Variants in PPP2R3A observed in about 807,000 individuals in gnomAD.
PPP2R3A encodes protein phosphatase 2 regulatory subunit B''alpha.
A neutral mutation model predicts 106.9 loss-of-function variants in PPP2R3A; 80 were observed. The ratio of observed to expected loss-of-function variants is 0.75; its 90% CI spans 0.62 to 0.90. The LOEUF is 0.90. Among genes scored for constraint, PPP2R3A ranks in the 40% least tolerant of loss-of-function variants. PPP2R3A has a pLI of 0.00. For synonymous variants in PPP2R3A, 483 were observed against 468.3 expected (o/e 1.03, Z -0.41); for missense variants, 1,386 against 1,350.4 (o/e 1.03, Z -0.41).
chr3:136,128,806 A>T (rs1047328144), intron 13 of PPP2R3A, among the ~76,000 whole-genome samples: 4 of 152,202 alleles, frequency 2.6e-5, no homozygotes, highest in African/African-American at 9.6e-5. Context: ...AACAGAAATT[A>T]TAACAAACTG....
intron 13 of PPP2R3A, among the ~76,000 whole-genome samples, chr3:136,142,824 G>T (rs9881400): frequency 0.18 from 26,837 of 152,240 alleles, 3,135 homozygotes; most frequent in Non-Finnish European, 0.26. Context: ...GACCTACACT[G>T]AGGTATTTAA....
At chr3:136,045,956 G>GT (rs1935456693) in intron 4 of PPP2R3A, among the ~76,000 whole-genome samples, 1 of 152,184 alleles carries the variant, frequency 6.6e-6, no homozygotes, top group Admixed American at 6.5e-5. Context: ...GGCCGAGGCA[G>GT]TAAGATTGCA....
chr3:135,995,447 A>ATTTTTT (rs60359404), intron 1 of PPP2R3A, among the ~76,000 whole-genome samples: 23 of 87,314 alleles, frequency 2.6e-4, no homozygotes, highest in Admixed American at 5.7e-4. Context: ...ACGTTGACAG[A>ATTTTTT]TTTTTTTTTT....
At chr3:136,118,208 G>T (rs1028476561) in intron 13 of PPP2R3A, among the ~76,000 whole-genome samples, 2 of 152,122 alleles carry the variant, frequency 1.3e-5, no homozygotes, top group African/African-American at 4.8e-5. Context: ...CAATAAACTA[G>T]GTATTGATGG....
At chr3:136,030,788 A>ATATATATATATATATATATATG (rs1559878207) in intron 3 of PPP2R3A, among the ~76,000 whole-genome samples, 2 of 141,310 alleles carry the variant, frequency 1.4e-5, no homozygotes, top group African/African-American at 5.6e-5. Context: ...ATATGTATGT[A>ATATATATATATATATATATATG]TGTATGTATG....
intron 10 of PPP2R3A, among the ~76,000 whole-genome samples, chr3:136,099,685 T>A (rs910202908): frequency 6.6e-6 from 1 of 151,718 alleles, no homozygotes; most frequent in East Asian, 1.9e-4. Flanking sequence ...ATCAAAAAAA[T>A]TTTAATATAA....
chr3:136,075,977 A>AT (rs151313618), intron 6 of PPP2R3A, among the ~76,000 whole-genome samples: 9,049 of 152,294 alleles, frequency 0.059, 287 homozygotes, highest in Non-Finnish European at 0.074. Flanking sequence ...AGAATACAGT[A>AT]TTGAGTAAGA....
intron 4 of PPP2R3A, among the ~76,000 whole-genome samples, chr3:136,047,028 C>G (rs889715799): frequency 1.3e-5 from 2 of 152,166 alleles, no homozygotes; most frequent in African/African-American, 4.8e-5. Context: ...TGAATCAATG[C>G]AGGCAGACAA....
chr3:136,098,690 G>A (rs1937277696), intron 10 of PPP2R3A, among the ~76,000 whole-genome samples: 1 of 152,172 alleles, frequency 6.6e-6, no homozygotes, highest in Admixed American at 6.5e-5. Context: ...ATTGGAAACT[G>A]GAAAGCAAAT....
At chr3:136,140,217 TAA>T (rs2108034376) in intron 13 of PPP2R3A, among the ~76,000 whole-genome samples, 1 of 152,120 alleles carries the variant, frequency 6.6e-6, no homozygotes, top group African/African-American at 2.4e-5. Context: ...AGGAGTCAGT[TAA>T]CATACTTTGT....
intron 5 of PPP2R3A, among the ~76,000 whole-genome samples, chr3:136,064,305 AC>A (rs2107895039): frequency 6.6e-6 from 1 of 150,820 alleles, no homozygotes; most frequent in Non-Finnish European, 1.5e-5. Context: ...ATTTGGAGAT[AC>A]ACCTAATGCT....
chr3:135,984,859 G>A (rs1937585057), intron 1 of PPP2R3A, among the ~76,000 whole-genome samples: 1 of 152,048 alleles, frequency 6.6e-6, no homozygotes, highest in South Asian at 2.1e-4. Context: ...CACAATCATG[G>A]CAGAAGGCAA....
At chr3:136,130,004 G>A (rs1203879978) in intron 13 of PPP2R3A, among the ~76,000 whole-genome samples, 1 of 152,104 alleles carries the variant, frequency 6.6e-6, no homozygotes, top group African/African-American at 2.4e-5. Context: ...AGGTATTGAT[G>A]GAACATAATC....
intron 5 of PPP2R3A, among the ~76,000 whole-genome samples, chr3:136,062,368 A>C (rs1000083902): frequency 6.6e-6 from 1 of 152,146 alleles, no homozygotes; most frequent in Non-Finnish European, 1.5e-5. Flanking sequence ...TCCTCCAAGC[A>C]GGTCTTCTCC....
intron 2 of PPP2R3A, among the ~76,000 whole-genome samples, chr3:136,011,220 G>GT (rs144834122): frequency 0.012 from 1,785 of 150,076 alleles, 24 homozygotes; most frequent in African/African-American, 0.037. Context: ...CCCCTCTACT[G>GT]TTTTTTTTTC....
chr3:136,036,635 C>T (rs960138364), intron 3 of PPP2R3A, among the ~76,000 whole-genome samples: 3 of 152,162 alleles, frequency 2.0e-5, no homozygotes, highest in African/African-American at 4.8e-5. Flanking sequence ...CCCACAGGAA[C>T]AGTCCGCTTC....
intron 5 of PPP2R3A, among the ~76,000 whole-genome samples, chr3:136,065,258 C>T (rs555957472): frequency 2.6e-5 from 4 of 151,902 alleles, no homozygotes; most frequent in African/African-American, 9.7e-5. Context: ...TGATAAAGTA[C>T]TAATTATAAT....
intron 4 of PPP2R3A, among the ~76,000 whole-genome samples, chr3:136,044,487 C>T (rs1461852348): frequency 6.8e-6 from 1 of 146,142 alleles, no homozygotes; most frequent in Non-Finnish European, 1.5e-5. Flanking sequence ...GGGAGGATCG[C>T]TTGAGCCTAG....
intron 1 of PPP2R3A, among the ~76,000 whole-genome samples, chr3:135,983,969 A>G (rs1937572414): frequency 6.6e-6 from 1 of 152,134 alleles, no homozygotes; most frequent in Non-Finnish European, 1.5e-5. Context: ...TTTTATAGCT[A>G]TTTTATGTGT....
Sources: gnomAD v4.1 joint callset for allele counts (sites outside exome capture counted in the v4.1 genomes callset) on GRCh38, gnomAD v4.1.1 for gene constraint, MANE v1.5 for transcripts, NCBI Gene and HGNC (gene_info 2026-07-23, HGNC 2026-07-21) for gene names.